LRRC17: variants seen among roughly 807,000 people sequenced by gnomAD.
The protein encoded by LRRC17 is leucine rich repeat containing 17, also known as leucine-rich repeat-containing protein 17.
LRRC17 carries 33 observed loss-of-function variants against 41.5 expected under a neutral mutation model. That is an observed-to-expected ratio of 0.80 (90% CI 0.60 to 1.06). The LOEUF (loss-of-function observed/expected upper bound fraction) is 1.06, where lower values mean the gene tolerates loss of function less well. LRRC17 is among the 50% of genes least tolerant of loss of function. The pLI, the probability that LRRC17 is intolerant of heterozygous loss-of-function variation, is 0.00. For missense variants in LRRC17, 491 were observed against 519.3 expected, an observed-to-expected ratio of 0.95 and a Z score of 0.53; for synonymous variants, 192 against 197.0, an observed-to-expected ratio of 0.97 and a Z score of 0.21.
Position 102,934,496 on chromosome 7 carries a change from C to T in LRRC17, c.583C>T (p.Pro195Ser), listed in dbSNP as rs772461958. 38 of 1,613,696 alleles carry T rather than the reference C, an allele frequency of 2.4e-5. No homozygotes were observed. In the East Asian group the frequency reaches 8.2e-4, roughly 35 times the overall value. ...GGGGAACTACGCCAAGTGTGAAAGT[C>T]CACAAGAACAAAAAAATAAAAAACT... ...NLGNYAKCES[P>S]QEQKNKKLRQ... The change falls in exon 2 of 4, where the codon CCA (proline) becomes TCA (serine). Residue 195 changes from proline (P) to serine (S), a missense_variant. By Grantham distance (74) the Pro-to-Ser change is moderately conservative. Transcript: ENST00000339431.
intron 2 of LRRC17, among the ~76,000 whole-genome samples, chr7:102,935,238 CTTTCTT>C (rs1820072436): frequency 2.4e-5 from 2 of 84,472 alleles, no homozygotes; most frequent in African/African-American, 4.7e-5. Context: ...TTTTTTTTTT[CTTTCTT>C]TTTTTTTTTT....
intron 1 of LRRC17, chr7:102,926,466 G>GA: frequency 5.4e-6 from 5 of 933,582 alleles, no homozygotes; most frequent in South Asian, 1.7e-5. Context: ...TCCTGTTCCA[G>GA]AAAAAAATAC....
At chr7:102,925,920 G>A (rs542175347) in intron 1 of LRRC17, among the ~76,000 whole-genome samples, 76 of 140,056 alleles carry the variant, frequency 5.4e-4, no homozygotes, top group Non-Finnish European at 8.8e-4. Context: ...CAGCCTGGGC[G>A]ACAGAGCAAG....
In LRRC17 at chr7:102,933,978, G is replaced by T; in HGVS notation, c.65G>T (p.Ser22Ile). The change falls in exon 2 of 4, where the codon AGC (serine) becomes ATC (isoleucine). Residue 22 changes from serine to isoleucine, a missense_variant. By Grantham distance (142) the Ser-to-Ile change is moderately radical. Coordinates refer to ENST00000339431, the MANE Select transcript of LRRC17 (RefSeq NM_001031692.3). ...FCKAAELRKA[S>I]PGSVRSRVNH... ...AAAGCGGCTGAGCTGCGCAAAGCAA[G>T]CCCAGGCAGTGTGAGAAGCCGAGTG... The T allele has an allele frequency of 1.9e-6, 3 of 1,614,138 alleles. No homozygotes were observed. In the South Asian group the frequency reaches 3.3e-5, roughly 18 times the overall value.
chr7:102,936,590 T>C (rs1407840012), intron 2 of LRRC17, among the ~76,000 whole-genome samples: 2 of 152,228 alleles, frequency 1.3e-5, no homozygotes, highest in Non-Finnish European at 2.9e-5. Context: ...TTGTGGTGCT[T>C]AGATTGAAAA....
intron 1 of LRRC17, among the ~76,000 whole-genome samples, chr7:102,928,946 A>G (rs1482326069): frequency 6.6e-6 from 1 of 152,136 alleles, no homozygotes; most frequent in Non-Finnish European, 1.5e-5. Flanking sequence ...CTATGCCTCC[A>G]TTTCTTGCGG....
At position 102,929,985 on chromosome 7, in the gene LRRC17, G is replaced by A. The variant is rs141114092; in HGVS notation, c.-140-3789G>A. On this transcript the variant is annotated intron_variant, in intron 1 of 3. Coordinates refer to ENST00000339431, the MANE Select transcript of LRRC17 (RefSeq NM_001031692.3). ...GAAAGACCCGATAGCATTGAAGAGT[G>A]TGTTAAAGAATGAACAGGTGTTAGC... 9.0e-4 allele frequency among the ~76,000 whole-genome samples: 137 copies of A among 152,250 alleles called. 1 individual carries two copies. Among genetic ancestry groups the A allele is most frequent in the African/African-American group, 3.2e-3 (134 of 41,556 alleles).
intron 1 of LRRC17, among the ~76,000 whole-genome samples, chr7:102,924,935 A>T (rs1195603332): frequency 1.3e-5 from 2 of 152,046 alleles, no homozygotes; most frequent in African/African-American, 2.4e-5. Context: ...GGCCTGTGTA[A>T]GCTTTTCTAA....
At chr7:102,925,666 G>A (rs952396902) in intron 1 of LRRC17, among the ~76,000 whole-genome samples, 3 of 152,056 alleles carry the variant, frequency 2.0e-5, no homozygotes, top group African/African-American at 7.2e-5. Context: ...GGTCCGCTGG[G>A]TGTGGTGGCT....
Position 102,917,198 on chromosome 7 carries a change from C to G in LRRC17, c.-141+4053C>G, listed in dbSNP as rs151152966. On this transcript the variant is annotated intron_variant, in intron 1 of 3. Coordinates refer to ENST00000339431, the MANE Select transcript of LRRC17 (RefSeq NM_001031692.3). ...TTTACAGGGTAGACCTTGAAGTTGT[C>G]CAGTCAAGACAACAGCTTACTTTGT... Among the ~76,000 whole-genome samples, 568 of 152,256 alleles carry G rather than the reference C, an allele frequency of 3.7e-3. 5 individuals carry two copies. Among genetic ancestry groups the G allele is most frequent in the African/African-American group, 0.014 (561 of 41,548 alleles).
intron 1 of LRRC17, chr7:102,931,874 T>A: frequency 6.2e-7 from 1 of 1,613,328 alleles, no homozygotes; most frequent in Non-Finnish European, 8.5e-7. Flanking sequence ...TGGTTGCTTA[T>A]ACTCACTGTG....
At chr7:102,924,076 T>C (rs1307314793) in intron 1 of LRRC17, among the ~76,000 whole-genome samples, 2 of 151,300 alleles carry the variant, frequency 1.3e-5, no homozygotes, top group East Asian at 2.0e-4. Flanking sequence ...CCCTCTCTAC[T>C]AAAAATACAA....
At chr7:102,923,521 T>TG (rs773779968) in intron 1 of LRRC17, among the ~76,000 whole-genome samples, 7 of 152,178 alleles carry the variant, frequency 4.6e-5, no homozygotes, top group Admixed American at 6.5e-5. Flanking sequence ...TAGTATTTCT[T>TG]GCCTGTATAA....
At chr7:102,915,783 TTAAG>T (rs1484550646) in intron 1 of LRRC17, among the ~76,000 whole-genome samples, 4 of 152,320 alleles carry the variant, frequency 2.6e-5, no homozygotes, top group East Asian at 1.9e-4. Context: ...TATTAACATA[TTAAG>T]TAAGATTTTG....
intron 3 of LRRC17, chr7:102,942,409 C>A: frequency 1.5e-6 from 2 of 1,353,110 alleles, no homozygotes; most frequent in Non-Finnish European, 1.0e-6. Context: ...ATATAAAATG[C>A]CAGACATTGT....
intron 1 of LRRC17, among the ~76,000 whole-genome samples, chr7:102,929,595 T>G (rs1413725904): frequency 7.5e-6 from 1 of 132,602 alleles, no homozygotes; most frequent in Non-Finnish European, 1.5e-5. Flanking sequence ...ACCTGGGAGG[T>G]GGAGGTTGTA....
chr7:102,929,333 G>A (rs542788404), intron 1 of LRRC17, among the ~76,000 whole-genome samples: 2 of 152,268 alleles, frequency 1.3e-5, no homozygotes, highest in African/African-American at 4.8e-5. Flanking sequence ...CTGTGTTGAA[G>A]TACTGAGACC....
intron 3 of LRRC17, among the ~76,000 whole-genome samples, chr7:102,943,269 T>C (rs936377287): frequency 1.3e-5 from 2 of 152,116 alleles, no homozygotes; most frequent in African/African-American, 4.8e-5. Context: ...TGCACTTGTC[T>C]TACATGCGAA....
In LRRC17 at chr7:102,934,057, C is replaced by T. The variant is rs755893968; in HGVS notation, c.144C>T (p.Tyr48=). The T allele has an allele frequency of 1.6e-5, 26 of 1,614,048 alleles. No homozygotes were observed. Among genetic ancestry groups the T allele is most frequent in the African/African-American group, 1.1e-4 (8 of 74,930 alleles). Residue 48 remains tyrosine, a synonymous_variant, in exon 2 of 4, where the codon TAC becomes TAT. Transcript: ENST00000339431. ...GRRGSNPVKR[Y]APGLPCDVYT... Reference sequence around the variant, plus strand: ...GAGGCTCCAACCCGGTCAAACGCTACGCACCAGGCCTCCCGTGTGACGTGT... The same window carrying T: ...GAGGCTCCAACCCGGTCAAACGCTATGCACCAGGCCTCCCGTGTGACGTGT...
Sources: allele counts gnomAD v4.1 joint callset (sites outside exome capture counted in the v4.1 genomes callset), GRCh38; gene constraint gnomAD v4.1.1; transcripts MANE v1.5; gene names NCBI Gene and HGNC (gene_info 2026-07-23, HGNC 2026-07-21).